Variants in CYFIP1 observed in about 807,000 individuals in gnomAD.
CYFIP1 encodes cytoplasmic FMR1-interacting protein 1.
A neutral mutation model predicts 163.5 loss-of-function variants in CYFIP1; 58 were observed. The observed-to-expected ratio is 0.35, with a 90% CI of 0.29 to 0.44. The LOEUF (loss-of-function observed/expected upper bound fraction) is 0.44. CYFIP1 is among the 20% of genes least tolerant of loss of function. CYFIP1 has a pLI of 1.00. For synonymous variants in CYFIP1, 663 were observed against 660.7 expected, an observed-to-expected ratio of 1.00 and a Z score of -0.05; for missense variants, 1,338 against 1,653.8, an observed-to-expected ratio of 0.81 and a Z score of 3.31.
intron 13 of CYFIP1, among the ~76,000 whole-genome samples, chr15:22,924,380 C>G (rs377072496): frequency 6.6e-6 from 1 of 152,086 alleles, no homozygotes; most frequent in East Asian, 1.9e-4. Context: ...GCTGAGATCA[C>G]GCCACTGCCC....
At chr15:22,886,927 C>A (rs1243037925) in intron 23 of CYFIP1, among the ~76,000 whole-genome samples, 1 of 152,200 alleles carries the variant, frequency 6.6e-6, no homozygotes, top group Non-Finnish European at 1.5e-5. Flanking sequence ...TCCTTTACTT[C>A]TATTAGTCTT....
In CYFIP1 at chr15:22,900,331, C is replaced by T. The variant is rs534626408; in HGVS notation, c.2588+3375G>A. On this transcript the variant is annotated intron_variant, in intron 22 of 30. Coordinates refer to ENST00000617928, the MANE Select transcript of CYFIP1 (RefSeq NM_014608.6). Reference sequence around the variant, plus strand: ...GCTCTACCCAGTGTCTCAGAGGGGGCGTGGTCCTGCTGACACCTTGATTCC... The same window carrying T: ...GCTCTACCCAGTGTCTCAGAGGGGGTGTGGTCCTGCTGACACCTTGATTCC... Among the ~76,000 whole-genome samples, 22 of 151,912 alleles carry T rather than the reference C, an allele frequency of 1.4e-4. No homozygotes were observed. The South Asian group carries it at 3.9e-3, about 27-fold the overall frequency.
intron 13 of CYFIP1, among the ~76,000 whole-genome samples, chr15:22,922,414 C>T (rs188683499): frequency 5.1e-4 from 77 of 152,332 alleles, no homozygotes; most frequent in African/African-American, 1.8e-3. Context: ...AAGCACGTCC[C>T]GTGCAATTCC....
chr15:22,871,669 G>C (rs1341162262), intron 30 of CYFIP1, among the ~76,000 whole-genome samples: 1 of 152,184 alleles, frequency 6.6e-6, no homozygotes, highest in African/African-American at 2.4e-5. Flanking sequence ...CACAGTCAGG[G>C]AATGTTCTCT....
In CYFIP1 at chr15:22,933,719, A is replaced by C. The variant is rs1019562270; in HGVS notation, c.992+83T>G. On this transcript the variant is annotated intron_variant, in intron 10 of 30. Coordinates refer to ENST00000617928, the MANE Select transcript of CYFIP1 (RefSeq NM_014608.6). ...TGAGAATGTTAACAGTGTTATCTCT[A>C]GACAAATAAGCAGGATGTTTGAAAA... 3.0e-6 allele frequency: 3 copies of C among 987,140 alleles called. No homozygotes were observed. The African/African-American group carries it at 4.8e-5, about 16-fold the overall frequency. 61.1% of individuals were successfully genotyped at this position (987,140 alleles called of 1,614,324 possible).
At chr15:22,881,994 G>A in intron 24 of CYFIP1, 58 bp from the exon 25 acceptor site, 1 of 1,480,524 alleles carries the variant, frequency 6.8e-7, no homozygotes. Context: ...GCTAACGCCT[G>A]TGGCCGGCGC....
chr15:22,946,795 G>A, intron 3 of CYFIP1: 3 of 692,402 alleles, frequency 4.3e-6, no homozygotes, highest in Non-Finnish European at 7.9e-6. Context: ...GTTTTCTCTG[G>A]GCCAGAGACA....
chr15:22,937,168 C>T lies in CYFIP1; in HGVS notation c.836G>A (p.Ser279Asn). 1 of 1,613,464 alleles carries T rather than the reference C, an allele frequency of 6.2e-7. No homozygotes were observed. Among genetic ancestry groups the T allele is most frequent in the Non-Finnish European group, 8.5e-7 (1 of 1,179,362 alleles). ...CTTGGCATCCAACTTATAGATGTTA[C>T]TGACACTCCCATCCATCAGGTACAG... ...FGLYLMDGSV[S>N]NIYKLDAKKR... Residue 279 changes from serine (S) to asparagine (N), a missense_variant, in exon 9 of 31, where the codon AGT becomes AAT. By Grantham distance (46) the Ser-to-Asn change is conservative. Coordinates refer to ENST00000617928, the MANE Select transcript of CYFIP1 (RefSeq NM_014608.6).
At position 22,869,964 on chromosome 15, in the gene CYFIP1, C is replaced by T; in HGVS notation, c.*64G>A. ...ATACTGAAAAATAGTCCCTAAAAAT[C>T]TCACTAAATAGTTTACGGAGAGAAA... is the stretch of plus-strand genomic sequence containing the variant. On this transcript the variant is annotated 3_prime_UTR_variant, in exon 31 of 31. Coordinates refer to ENST00000617928, the MANE Select transcript of CYFIP1 (RefSeq NM_014608.6). The T allele has an allele frequency of 6.9e-7, 1 of 1,441,178 alleles. No homozygotes were observed. Among genetic ancestry groups the T allele is most frequent in the South Asian group, 1.5e-5 (1 of 67,112 alleles). 89.3% of individuals were successfully genotyped at this position (1,441,178 alleles called of 1,614,324 possible). A position where few individuals can be genotyped will look rare whatever the true frequency, so the allele number is the denominator to read the frequency against.
intron 1 of CYFIP1, among the ~76,000 whole-genome samples, chr15:22,955,986 G>A (rs762301583): frequency 4.5e-4 from 68 of 152,250 alleles, no homozygotes; most frequent in African/African-American, 1.6e-3. Flanking sequence ...GGGAGACCGA[G>A]GCTTGAGGTC....
chr15:22,971,606 G>A (rs1051800170), intron 1 of CYFIP1, among the ~76,000 whole-genome samples: 2 of 151,746 alleles, frequency 1.3e-5, no homozygotes, highest in Non-Finnish European at 2.9e-5. Flanking sequence ...AACACGGGAG[G>A]CAGAGGTTGC....
chr15:22,960,698 C>T (rs1399302481), intron 1 of CYFIP1, among the ~76,000 whole-genome samples: 1 of 152,228 alleles, frequency 6.6e-6, no homozygotes, highest in Non-Finnish European at 1.5e-5. Context: ...ATGCATGAAC[C>T]GCAGCCTGCT....
In CYFIP1 at chr15:22,964,592, C is replaced by T. The variant is rs540994647; in HGVS notation, c.-7+15695G>A. Among the ~76,000 whole-genome samples, 19 of 152,268 alleles carry T rather than the reference C, an allele frequency of 1.2e-4. 1 individual carries two copies. Among genetic ancestry groups the T allele is most frequent in the African/African-American group, 3.6e-4 (15 of 41,560 alleles). ...CCAAGTGCAGCCGGCGAAGATGCCA[C>T]GGGCACCTGAGACACAGGGCTCCAT... On this transcript the variant is annotated intron_variant, in intron 1 of 30. Coordinates refer to ENST00000617928, the MANE Select transcript of CYFIP1 (RefSeq NM_014608.6).
chr15:22,870,144 CATT>C lies in CYFIP1; in HGVS notation c.3643_3645del (p.Asn1215del). On this transcript the variant is annotated inframe_deletion, in exon 31 of 31. Transcript: ENST00000617928. Reference sequence around the variant, plus strand: ...TTATCCAGGATGGTGATGATCTCATCATTGAGAATCTGGAACTTGCGAATTCTC... The same window carrying C: ...TTATCCAGGATGGTGATGATCTCATCGAGAATCTGGAACTTGCGAATTCTC... The C allele has an allele frequency of 1.9e-6, 3 of 1,612,496 alleles. No homozygotes were observed. The highest frequency in any genetic ancestry group is 2.2e-5 in the East Asian group (1 of 44,790).
chr15:22,908,073 T>C (rs547090488), intron 21 of CYFIP1, among the ~76,000 whole-genome samples: 40 of 152,326 alleles, frequency 2.6e-4, no homozygotes, highest in African/African-American at 9.1e-4. Flanking sequence ...TCTGTTTTCC[T>C]GTTCCTTAGT....
At chr15:22,905,111 G>A (rs887737569) in intron 21 of CYFIP1, 9 of 152,080 alleles carry the variant, frequency 5.9e-5, no homozygotes, top group East Asian at 1.9e-4. Flanking sequence ...GACAGCCCAA[G>A]GACTTCTTCC....
chr15:22,958,793 T>G (rs1448121902), intron 1 of CYFIP1, among the ~76,000 whole-genome samples: 2 of 152,206 alleles, frequency 1.3e-5, no homozygotes, highest in Non-Finnish European at 2.9e-5. Context: ...TTTCAAACCA[T>G]GCGCCATGAA....
rs116444866 is a variant in CYFIP1 at position 22,971,145 on chromosome 15, T to C, written c.-7+9142A>G. On this transcript the variant is annotated intron_variant, in intron 1 of 30. Transcript: ENST00000617928. ...AACAGATCAACGCCTAAACATCGGA[T>C]CTAAAACTATAAAACTCTTAGAAGA... Among the ~76,000 whole-genome samples the C allele has an allele frequency of 9.3e-3, 1,412 of 152,216 alleles. 23 individuals are homozygous for C. Among genetic ancestry groups the C allele is most frequent in the African/African-American group, 0.032 (1,325 of 41,522 alleles).
At chr15:22,898,860 G>A (rs1028982537) in intron 22 of CYFIP1, among the ~76,000 whole-genome samples, 8 of 151,968 alleles carry the variant, frequency 5.3e-5, no homozygotes, top group East Asian at 3.9e-4. Context: ...AAAATTAGCC[G>A]GGCGTGGTGG....
Sources: allele counts gnomAD v4.1 joint callset (sites outside exome capture counted in the v4.1 genomes callset), GRCh38; gene constraint gnomAD v4.1.1; transcripts MANE v1.5; gene names NCBI Gene and HGNC (gene_info 2026-07-23, HGNC 2026-07-21).